Variants in SYT9 observed in about 807,000 individuals in gnomAD.
SYT9 encodes the protein synaptotagmin-9.
SYT9 carries 22 observed loss-of-function variants against 48.4 expected under a neutral mutation model. The ratio of observed to expected loss-of-function variants is 0.45; its 90% CI spans 0.32 to 0.65. SYT9 has a LOEUF of 0.65. Among genes scored for constraint, SYT9 ranks in the 30% least tolerant of loss-of-function variants. The probability of loss-of-function intolerance (pLI) is 0.03; values close to 1 mark genes in which losing one functional copy is unlikely to be tolerated. For synonymous variants in SYT9, 265 were observed against 245.0 expected (o/e 1.08, Z -0.76); for missense variants, 577 against 622.0 (o/e 0.93, Z 0.77).
Position 7,415,891 on chromosome 11 carries a change from C to T in SYT9, c.1045-151C>T, listed in dbSNP as rs1370015252. 3.9e-5 allele frequency: 38 copies of T among 972,618 alleles called. No homozygotes were observed. The South Asian group carries it at 5.3e-4, about 13-fold the overall frequency. 60.2% of individuals were successfully genotyped at this position (972,618 alleles called of 1,614,324 possible). A position where few individuals can be genotyped will look rare whatever the true frequency, so the allele number is the denominator to read the frequency against. ...AAAGTGCAGGGATTTATTATTCTCC[C>T]TGTGACTGACATGAACGGAAGAGAT... On this transcript the variant is annotated intron_variant, in intron 3 of 6. Transcript: ENST00000318881.
intron 6 of SYT9, among the ~76,000 whole-genome samples, chr11:7,448,140 G>A (rs112515570): frequency 7.2e-5 from 11 of 152,310 alleles, no homozygotes; most frequent in Non-Finnish European, 1.2e-4. Context: ...CATGGGGCTC[G>A]GGGTCCCGTG....
At chr11:7,240,101 T>C (rs929438812) in intron 1 of SYT9, among the ~76,000 whole-genome samples, 5 of 151,918 alleles carry the variant, frequency 3.3e-5, no homozygotes, top group African/African-American at 1.2e-4. Flanking sequence ...AGAGGTCAGG[T>C]AGAAGAGGGG....
intron 1 of SYT9, among the ~76,000 whole-genome samples, chr11:7,297,126 G>A (rs910033740): frequency 2.6e-5 from 4 of 151,514 alleles, no homozygotes; most frequent in African/African-American, 4.9e-5. Context: ...GAGAGAGAGA[G>A]ATCAGATTTA....
rs999923983 is a variant in SYT9, at chr11:7,271,616, A to T, written c.145+19285A>T. On this transcript the variant is annotated intron_variant, in intron 1 of 6. Coordinates refer to ENST00000318881, the MANE Select transcript of SYT9 (RefSeq NM_175733.4). ...TTTTGAGATGGAGTCTTGCTCTGTC[A>T]CCCAGGTTGGAGTGCAGTGGCACTA... 2.6e-5 allele frequency among the ~76,000 whole-genome samples: 4 copies of T among 151,988 alleles called. No homozygotes were observed. In the East Asian group the frequency reaches 7.7e-4, roughly 29 times the overall value.
At chr11:7,346,750 G>A (rs117068226) in intron 3 of SYT9, among the ~76,000 whole-genome samples, 2 of 152,154 alleles carry the variant, frequency 1.3e-5, no homozygotes, top group Non-Finnish European at 2.9e-5. Context: ...TAATCTGTCT[G>A]CTCAATACAG....
intron 6 of SYT9, among the ~76,000 whole-genome samples, chr11:7,462,566 G>A (rs974644821): frequency 6.6e-6 from 1 of 152,118 alleles, no homozygotes; most frequent in South Asian, 2.1e-4. Context: ...TCATATATTT[G>A]TAAAGCTGTG....
chr11:7,464,934 A>G (rs530104632), intron 6 of SYT9, among the ~76,000 whole-genome samples: 2 of 151,974 alleles, frequency 1.3e-5, no homozygotes, highest in East Asian at 1.9e-4. Flanking sequence ...TACAAAAAAA[A>G]AAAATTAGCC....
In SYT9 at chr11:7,420,731, A is replaced by C. The variant is rs1033455942; in HGVS notation, c.1467+96A>C. 1.3e-5 allele frequency: 20 copies of C among 1,492,452 alleles called. 1 individual carries two copies. Among genetic ancestry groups the C allele is most frequent in the Admixed American group, 1.8e-5 (1 of 55,400 alleles). 92.5% of individuals were successfully genotyped at this position (1,492,452 alleles called of 1,614,324 possible). ...CAAACATATGAGTGCACCAGGATCT[A>C]TGGTCATAGACGGGTTTTCCTGGTT... On this transcript the variant is annotated intron_variant, in intron 6 of 6. Transcript: ENST00000318881.
chr11:7,420,574 A>T lies in SYT9; in HGVS notation c.1406A>T (p.His469Leu). The T allele has an allele frequency of 1.2e-6, 2 of 1,614,194 alleles. No homozygotes were observed. Among genetic ancestry groups the T allele is most frequent in the East Asian group, 2.2e-5 (1 of 44,890 alleles). The change falls in exon 6 of 7, where the codon CAC (histidine) becomes CTC (leucine). Residue 469 changes from histidine to leucine, a missense_variant. By Grantham distance (99) the His-to-Leu change is moderately conservative. Coordinates refer to ENST00000318881, the MANE Select transcript of SYT9 (RefSeq NM_175733.4). ...GAGGCTGAGAGGCTGGGCAGAGACC[A>T]CTGGAGTGAAATGTTGTCATATCCT... is the stretch of plus-strand genomic sequence containing the variant. ...GNEAERLGRD[H>L]WSEMLSYPRK...
chr11:7,449,484 A>T (rs1008435556), intron 6 of SYT9, among the ~76,000 whole-genome samples: 2 of 152,184 alleles, frequency 1.3e-5, no homozygotes, highest in African/African-American at 4.8e-5. Context: ...ATTCAGTTGA[A>T]GTGAGAAAGT....
At chr11:7,258,749 A>G (rs1354323422) in intron 1 of SYT9, among the ~76,000 whole-genome samples, 1 of 152,100 alleles carries the variant, frequency 6.6e-6, no homozygotes, top group Non-Finnish European at 1.5e-5. Flanking sequence ...GCTCAAATAA[A>G]TGATCAATAA....
chr11:7,369,796 C>A (rs868113367), intron 3 of SYT9, among the ~76,000 whole-genome samples: 4 of 110,294 alleles, frequency 3.6e-5, no homozygotes, highest in African/African-American at 1.6e-4. Context: ...CACACACAAA[C>A]ACACACACAC....
chr11:7,461,390 T>C (rs1325172584), intron 6 of SYT9: 1 of 152,242 alleles, frequency 6.6e-6, no homozygotes, highest in East Asian at 1.9e-4. Flanking sequence ...GTTTGTTTTT[T>C]GAGAGGGAGT....
Position 7,416,011 on chromosome 11 carries a change from T to G in SYT9, c.1045-31T>G, listed in dbSNP as rs750624497. 6.4e-5 allele frequency: 104 copies of G among 1,613,864 alleles called. No individual in the cohort carries two copies. In the East Asian group the frequency reaches 2.3e-3, roughly 36 times the overall value. On this transcript the variant is annotated intron_variant, in intron 3 of 6. Transcript: ENST00000318881. ...CTTGCACACCAGGCTGGAGACACTTTCTAATACTTTAGTTTGTGCTTTCTC... is the reference window on the plus strand; with the variant it reads ...CTTGCACACCAGGCTGGAGACACTTGCTAATACTTTAGTTTGTGCTTTCTC...
intron 3 of SYT9, among the ~76,000 whole-genome samples, chr11:7,398,533 C>T (rs1846805830): frequency 2.0e-5 from 3 of 152,060 alleles, no homozygotes; most frequent in Admixed American, 2.0e-4. Flanking sequence ...CCTCAGCCTC[C>T]CCAGTAGCTG....
At chr11:7,443,308 A>G (rs1278712484) in intron 6 of SYT9, among the ~76,000 whole-genome samples, 1 of 152,264 alleles carries the variant, frequency 6.6e-6, no homozygotes, top group Non-Finnish European at 1.5e-5. Context: ...GGCTGAGGAA[A>G]TAGACATAAG....
chr11:7,252,334 G>T lies in SYT9; in HGVS notation c.145+3G>T. 10 of 1,470,584 alleles carry T rather than the reference G, an allele frequency of 6.8e-6. No homozygotes were observed. Among genetic ancestry groups the T allele is most frequent in the Non-Finnish European group, 9.0e-6 (10 of 1,110,482 alleles). The allele number at this position is 1,470,584 out of a possible 1,614,324, so 91.1% of individuals were successfully genotyped here. A position where few individuals can be genotyped will look rare whatever the true frequency, so the allele number is the denominator to read the frequency against. On this transcript the variant is annotated splice_donor_region_variant and intron_variant, in intron 1 of 6. Coordinates refer to ENST00000318881, the MANE Select transcript of SYT9 (RefSeq NM_175733.4). This position sits in a 1 kb window ranked among gnomAD's most constrained non-coding sequence, Gnocchi z 6.3. ...CAGACCCCGGCTCCGCGACCCAGGT[G>T]AGTGCCGCCACCGCCGCCTGGAGGG...
intron 3 of SYT9, among the ~76,000 whole-genome samples, chr11:7,371,479 TAAATCTC>T (rs907729765): frequency 9.4e-5 from 14 of 149,404 alleles, no homozygotes; most frequent in Non-Finnish European, 1.5e-4. Context: ...TTTTATTTCT[TAAATCTC>T]TTATATATAG....
intron 3 of SYT9, among the ~76,000 whole-genome samples, chr11:7,382,000 C>A (rs910166647): frequency 3.9e-5 from 6 of 152,094 alleles, no homozygotes; most frequent in Admixed American, 6.6e-5. Flanking sequence ...CAGAACCAAG[C>A]CTTTTCTGAA....
Sources: gnomAD v4.1 joint callset for allele counts (sites outside exome capture counted in the v4.1 genomes callset) on GRCh38, gnomAD v4.1.1 for gene constraint, Gnocchi (gnomAD v3.1) non-coding constraint, MANE v1.5 for transcripts, NCBI Gene and HGNC (gene_info 2026-07-23, HGNC 2026-07-21) for gene names.